The following UBXN2B variants were observed in gnomAD, a reference collection of about 807,000 sequenced individuals.
UBXN2B encodes the protein UBX domain-containing protein 2B.
Under a neutral mutation model 37.5 loss-of-function variants are expected in UBXN2B, and 19 were observed. That is an observed-to-expected ratio of 0.51 (90% confidence interval 0.35 to 0.74). UBXN2B has a LOEUF of 0.74. Ranked by LOEUF, UBXN2B falls within the 30% of genes least tolerant of loss-of-function variation. The pLI is 0.01. For missense variants in UBXN2B, 370 were observed against 393.2 expected (o/e 0.94, Z 0.50); for synonymous variants, 145 against 143.8 (o/e 1.01, Z -0.06).
At chr8:58,430,129 C>G (rs538493384) in intron 2 of UBXN2B, among the ~76,000 whole-genome samples, 1 of 152,318 alleles carries the variant, frequency 6.6e-6, no homozygotes, top group South Asian at 2.1e-4. Flanking sequence ...AACTAGGTCT[C>G]TACTGAGTGT....
intron 4 of UBXN2B, 112 bp from the exon 5 acceptor site, chr8:58,434,283 C>G (rs759147581): frequency 3.6e-6 from 1 of 278,634 alleles, no homozygotes; most frequent in African/African-American, 2.3e-5. Flanking sequence ...TAAGTAAATA[C>G]GTTTTAGGAT....
At chr8:58,439,203 A>G (rs1199295847) in intron 5 of UBXN2B, among the ~76,000 whole-genome samples, 1 of 152,160 alleles carries the variant, frequency 6.6e-6, no homozygotes. Context: ...AGCCTCGGAT[A>G]TTTCCTTATA....
chr8:58,437,085 A>G (rs1050876321), intron 5 of UBXN2B, among the ~76,000 whole-genome samples: 9 of 152,182 alleles, frequency 5.9e-5, no homozygotes, highest in Admixed American at 5.2e-4. Flanking sequence ...AAAATTTGGT[A>G]CTTCTTAGAG....
rs532810667 is a variant in UBXN2B at position 58,411,526 on chromosome 8, C to T, written c.84+57C>T. 36 of 1,224,968 alleles carry T rather than the reference C, an allele frequency of 2.9e-5. No homozygotes were observed. The African/African-American group carries it at 5.5e-4, about 19-fold the overall frequency. The allele number at this position is 1,224,968 out of a possible 1,614,324, so 75.9% of individuals were successfully genotyped here. On this transcript the variant is annotated intron_variant, in intron 1 of 7. Transcript: ENST00000399598. ...CGGTGGACGCGGGCTGGTGACGGCG[C>T]GGGCTGGTGCGAGTTGGAGGCCACC...
chr8:58,424,295 T>TTAAA (rs1808014082), intron 2 of UBXN2B, among the ~76,000 whole-genome samples: 1 of 151,036 alleles, frequency 6.6e-6, no homozygotes, highest in Admixed American at 6.6e-5. Flanking sequence ...TAGCACACAA[T>TTAAA]TTAACTGCTT....
intron 2 of UBXN2B, chr8:58,424,724 C>G (rs1298829044): frequency 5.7e-6 from 8 of 1,393,422 alleles, no homozygotes; most frequent in Middle Eastern, 4.5e-4. Flanking sequence ...GTCTGGTCCG[C>G]TAGAGAATAC....
chr8:58,444,920 A>G (rs1403211774), intron 6 of UBXN2B, among the ~76,000 whole-genome samples: 3 of 152,204 alleles, frequency 2.0e-5, no homozygotes, highest in African/African-American at 7.2e-5. Context: ...AGTAAGAGTC[A>G]TGATGATTTA....
chr8:58,424,544 T>C lies in UBXN2B; in HGVS notation c.189-5975T>C. The C allele has an allele frequency of 4.6e-6, 4 of 867,634 alleles. No homozygotes were observed. In the Admixed American group the frequency reaches 7.7e-5, roughly 17 times the overall value. 53.7% of individuals were successfully genotyped at this position (867,634 alleles called of 1,614,324 possible). ...AAGTTTGATCTTTTTAGGGAGAGAGTGAAGTCCACATCTATTTTTGTGCTG... is the reference window on the plus strand; with the variant it reads ...AAGTTTGATCTTTTTAGGGAGAGAGCGAAGTCCACATCTATTTTTGTGCTG... On this transcript the variant is annotated intron_variant, in intron 2 of 7. Transcript: ENST00000399598.
chr8:58,439,344 T>G (rs1808489824), intron 5 of UBXN2B, among the ~76,000 whole-genome samples: 1 of 152,210 alleles, frequency 6.6e-6, no homozygotes, highest in Admixed American at 6.5e-5. Flanking sequence ...TAGTGCTGAT[T>G]TACATATAAA....
At chr8:58,442,579 G>A (rs1808576019) in intron 6 of UBXN2B, among the ~76,000 whole-genome samples, 1 of 152,142 alleles carries the variant, frequency 6.6e-6, no homozygotes, top group Non-Finnish European at 1.5e-5. Flanking sequence ...TACAATTATG[G>A]TGCAAACCAA....
At chr8:58,426,408 C>T in intron 2 of UBXN2B, 2 of 554,970 alleles carry the variant, frequency 3.6e-6, no homozygotes, top group South Asian at 1.8e-5. Context: ...CGGGGTTTCA[C>T]CATGTTAGCC....
In UBXN2B at chr8:58,448,616, TA is replaced by T. The variant is rs879599958; in HGVS notation, c.*1068del. The T allele has an allele frequency of 6.6e-6, 1 of 152,528 alleles. No homozygotes were observed. Among genetic ancestry groups the T allele is most frequent in the Non-Finnish European group, 1.5e-5 (1 of 68,040 alleles). The allele number at this position is 152,528 out of a possible 1,614,324, so 9.4% of individuals were successfully genotyped here. A position where few individuals can be genotyped will look rare whatever the true frequency, so the allele number is the denominator to read the frequency against. On this transcript the variant is annotated 3_prime_UTR_variant, in exon 8 of 8. Coordinates refer to ENST00000399598, the MANE Select transcript of UBXN2B (RefSeq NM_001077619.2). ...TTTCTAGGAAACTCACTGTATACAC[TA>T]AACACTATTCTGTGTGCTCAACCTA...
At chr8:58,414,771 A>G (rs1235968421) in intron 1 of UBXN2B, among the ~76,000 whole-genome samples, 1 of 152,106 alleles carries the variant, frequency 6.6e-6, no homozygotes, top group Non-Finnish European at 1.5e-5. Context: ...TGTACCGTTA[A>G]TAACTAGGAT....
chr8:58,438,983 T>A (rs1808482083), intron 5 of UBXN2B, among the ~76,000 whole-genome samples: 1 of 152,132 alleles, frequency 6.6e-6, no homozygotes, highest in African/African-American at 2.4e-5. Context: ...CCCCGGTAGT[T>A]CACTCAAGAG....
At chr8:58,418,132 T>A (rs186955762) in intron 2 of UBXN2B, among the ~76,000 whole-genome samples, 91 of 151,448 alleles carry the variant, frequency 6.0e-4, no homozygotes, top group African/African-American at 2.0e-3. Context: ...TTCCAGCTAC[T>A]TGGGAGGCTG....
chr8:58,427,536 G>C (rs183484762), intron 2 of UBXN2B, among the ~76,000 whole-genome samples: 1 of 152,318 alleles, frequency 6.6e-6, no homozygotes, highest in Admixed American at 6.5e-5. Context: ...ATTAATGCAG[G>C]ATATTTTAAA....
At chr8:58,420,921 G>A (rs1160275854) in intron 2 of UBXN2B, among the ~76,000 whole-genome samples, 1 of 152,184 alleles carries the variant, frequency 6.6e-6, no homozygotes, top group Admixed American at 6.5e-5. Flanking sequence ...AAGGCATCCT[G>A]ACATCAGGGA....
At chr8:58,425,966 C>CATGG in intron 2 of UBXN2B, 2 of 1,441,314 alleles carry the variant, frequency 1.4e-6, no homozygotes, top group East Asian at 4.6e-5. Context: ...TACAAGAAAA[C>CATGG]TACCATGTTT....
chr8:58,437,860 T>G (rs760644108), intron 5 of UBXN2B, among the ~76,000 whole-genome samples: 13 of 151,890 alleles, frequency 8.6e-5, no homozygotes, highest in Non-Finnish European at 1.3e-4. Flanking sequence ...GATAGAGAGA[T>G]TTGCATGAAT....
Sources: gnomAD v4.1 joint callset for allele counts (sites outside exome capture counted in the v4.1 genomes callset) on GRCh38, gnomAD v4.1.1 for gene constraint, MANE v1.5 for transcripts, NCBI Gene and HGNC (gene_info 2026-07-23, HGNC 2026-07-21) for gene names.